ZNF486: variants seen among roughly 807,000 people sequenced by gnomAD.
ZNF486 encodes the protein KRAB box only protein 2.
Under a neutral mutation model 12.8 loss-of-function variants are expected in ZNF486, and 12 were observed. That is an observed-to-expected ratio of 0.94 (90% CI 0.60 to 1.52). The LOEUF (loss-of-function observed/expected upper bound fraction) is 1.52, where lower values mean the gene tolerates loss of function less well. Among genes scored for constraint, ZNF486 ranks in the 40% most tolerant of loss-of-function variants. The pLI is 0.00. For synonymous variants in ZNF486, 231 were observed against 184.9 expected, an observed-to-expected ratio of 1.25 and a Z score of -2.02; for missense variants, 738 against 545.0, an observed-to-expected ratio of 1.35 and a Z score of -3.53.
At chr19:20,184,702 C>G (rs1245261878) in intron 2 of ZNF486, among the ~76,000 whole-genome samples, 1 of 152,172 alleles carries the variant, frequency 6.6e-6, no homozygotes, top group Non-Finnish European at 1.5e-5. Flanking sequence ...ATTCTTCACT[C>G]TAAATTAGTG....
intron 3 of ZNF486, among the ~76,000 whole-genome samples, chr19:20,194,739 AT>A (rs1363128726): frequency 1.3e-5 from 2 of 152,050 alleles, no homozygotes; most frequent in Admixed American, 1.3e-4. Context: ...AAAAAAAAAA[AT>A]TCTCTGGTTA....
At chr19:20,178,177 C>G (rs2122643660) in intron 1 of ZNF486, among the ~76,000 whole-genome samples, 1 of 152,152 alleles carries the variant, frequency 6.6e-6, no homozygotes, top group South Asian at 2.1e-4. Context: ...ATCCACCCGC[C>G]TAGGCCTCCC....
Position 20,176,041 on chromosome 19 carries a change from C to T in ZNF486, c.31-8315C>T, listed in dbSNP as rs537991416. ...CCTCCCTCCCGGACGGGGTGGCTGC[C>T]GGGCGGAGATGCTACTCACTTCCCA... On this transcript the variant is annotated intron_variant, in intron 1 of 3. Transcript: ENST00000335117. 37 of 171,730 alleles carry T rather than the reference C, an allele frequency of 2.2e-4. No individual in the cohort carries two copies. In the East Asian group the frequency reaches 4.6e-3, roughly 21 times the overall value. 10.6% of individuals were successfully genotyped at this position (171,730 alleles called of 1,614,324 possible).
At chr19:20,187,500 G>GT (rs57208523) in intron 3 of ZNF486, among the ~76,000 whole-genome samples, 11,737 of 119,604 alleles carry the variant, frequency 0.098, 1,034 homozygotes, top group African/African-American at 0.17. Flanking sequence ...ACCTCTTCAA[G>GT]TTTTTTTTTT....
At chr19:20,183,609 C>G (rs1390243891) in intron 1 of ZNF486, among the ~76,000 whole-genome samples, 1 of 152,116 alleles carries the variant, frequency 6.6e-6, no homozygotes, top group Non-Finnish European at 1.5e-5. Context: ...AAAAATTTAT[C>G]GTAGTGCAGT....
At chr19:20,194,740 TTC>T (rs1434864520) in intron 3 of ZNF486, among the ~76,000 whole-genome samples, 2 of 151,890 alleles carry the variant, frequency 1.3e-5, no homozygotes, top group Non-Finnish European at 2.9e-5. Flanking sequence ...AAAAAAAAAA[TTC>T]TCTGGTTATC....
chr19:20,184,536 CT>C (rs1185595988), intron 2 of ZNF486, 54 bp downstream of exon 2: 1 of 1,518,954 alleles, frequency 6.6e-7, no homozygotes, highest in Admixed American at 2.2e-5. Flanking sequence ...TTTTATTTCT[CT>C]TTTTTGCAGA....
rs139022032 is a variant in ZNF486 at position 20,179,213 on chromosome 19, A to C, written c.31-5143A>C. ...GCACAAGTGACTATAAATTAAACTA[A>C]TGATGCCACATTGGACACTATCCCA... On this transcript the variant is annotated intron_variant, in intron 1 of 3. Transcript: ENST00000335117. Among the ~76,000 whole-genome samples, 6 of 152,318 alleles carry C rather than the reference A, an allele frequency of 3.9e-5. No individual in the cohort carries two copies. The East Asian group carries it at 9.6e-4, about 24-fold the overall frequency.
In ZNF486 at chr19:20,197,932, T is replaced by TG; in HGVS notation, c.1223dup (p.Cys408TrpfsTer2). 6.2e-7 allele frequency: 1 copy of TG among 1,613,820 alleles called. No individual in the cohort carries two copies. Among genetic ancestry groups the TG allele is most frequent in the East Asian group, 2.2e-5 (1 of 44,868 alleles). ...TCATACTGGAGAGAAACCCTACAAATGTGAAGAATGTGGCAAAGCGTATAC... is the reference window on the plus strand; with the variant it reads ...TCATACTGGAGAGAAACCCTACAAATGGTGAAGAATGTGGCAAAGCGTATAC... On this transcript the variant is annotated frameshift_variant, in exon 4 of 4. Transcript: ENST00000335117. LOFTEE classifies it low-confidence loss of function (END_TRUNC).
At chr19:20,187,689 G>GAGAA (rs1167556266) in intron 3 of ZNF486, among the ~76,000 whole-genome samples, 7 of 151,766 alleles carry the variant, frequency 4.6e-5, no homozygotes, top group Admixed American at 2.0e-4. Context: ...ATTTTTATTA[G>GAGAA]AGACAGGGTT....
chr19:20,181,785 T>C (rs879950462), intron 1 of ZNF486, among the ~76,000 whole-genome samples: 1 of 152,166 alleles, frequency 6.6e-6, no homozygotes, highest in Non-Finnish European at 1.5e-5. Context: ...TTACAGTGTT[T>C]TAAAAAAATT....
chr19:20,175,269 CT>C (rs1311507768), intron 1 of ZNF486: 1 of 150,990 alleles, frequency 6.6e-6, no homozygotes, highest in Non-Finnish European at 1.5e-5. Flanking sequence ...GAGCTTTTTC[CT>C]AATATCATTT....
At chr19:20,183,259 G>T (rs1198544191) in intron 1 of ZNF486, among the ~76,000 whole-genome samples, 3 of 152,180 alleles carry the variant, frequency 2.0e-5, no homozygotes, top group Non-Finnish European at 4.4e-5. Flanking sequence ...GAAAATTGTG[G>T]TCCTTAGTAT....
At chr19:20,194,839 CTT>C (rs1276723708) in intron 3 of ZNF486, among the ~76,000 whole-genome samples, 3 of 151,918 alleles carry the variant, frequency 2.0e-5, no homozygotes, top group Admixed American at 1.3e-4. Flanking sequence ...TGAAATTTTG[CTT>C]ATATATGTGT....
At chr19:20,170,047 C>T (rs968544801) in intron 1 of ZNF486, among the ~76,000 whole-genome samples, 4 of 151,658 alleles carry the variant, frequency 2.6e-5, no homozygotes, top group East Asian at 2.0e-4. Flanking sequence ...CCCGCCACCA[C>T]GCCCGGCTAA....
At chr19:20,191,509 C>A (rs930945335) in intron 3 of ZNF486, among the ~76,000 whole-genome samples, 1 of 149,894 alleles carries the variant, frequency 6.7e-6, no homozygotes, top group South Asian at 2.1e-4. Context: ...GTGGCTCACA[C>A]CTGTAATCCC....
intron 2 of ZNF486, among the ~76,000 whole-genome samples, chr19:20,184,978 G>T (rs1333442893): frequency 2.6e-5 from 4 of 152,056 alleles, no homozygotes; most frequent in Non-Finnish European, 5.9e-5. Flanking sequence ...GTTTATGGTG[G>T]CATAGTCCTG....
intron 3 of ZNF486, among the ~76,000 whole-genome samples, chr19:20,192,317 G>A (rs1343325780): frequency 6.6e-6 from 1 of 151,964 alleles, no homozygotes; most frequent in Admixed American, 6.6e-5. Context: ...ATTTATTTAT[G>A]TATTTATTTT....
At chr19:20,172,968 G>A (rs2089666331) in intron 1 of ZNF486, among the ~76,000 whole-genome samples, 2 of 152,110 alleles carry the variant, frequency 1.3e-5, no homozygotes, top group Non-Finnish European at 2.9e-5. Flanking sequence ...TGGATATTAG[G>A]CCTTTGTCAG....
Sources: allele counts gnomAD v4.1 joint callset (sites outside exome capture counted in the v4.1 genomes callset), GRCh38; gene constraint gnomAD v4.1.1; transcripts MANE v1.5; gene names NCBI Gene and HGNC (gene_info 2026-07-23, HGNC 2026-07-21).